WDFY3: variants seen among roughly 807,000 people sequenced by gnomAD.
WDFY3 encodes the protein WD repeat and FYVE domain-containing protein 3.
WDFY3 carries 66 observed loss-of-function variants against 409.6 expected under a neutral mutation model. That is an observed-to-expected ratio of 0.16 (90% CI 0.13 to 0.20). The LOEUF (loss-of-function observed/expected upper bound fraction) is 0.20, where lower values mean the gene tolerates loss of function less well. WDFY3 is among the 10% of genes least tolerant of loss of function. WDFY3 has a pLI of 1.00. For missense variants in WDFY3, 3,031 were observed against 4,298.1 expected (o/e 0.71, Z 8.24); for synonymous variants, 1,521 against 1,537.1 (o/e 0.99, Z 0.25).
chr4:84,852,075 C>T (rs763032616), intron 4 of WDFY3, among the ~76,000 whole-genome samples: 3 of 152,170 alleles, frequency 2.0e-5, no homozygotes, highest in Non-Finnish European at 4.4e-5. Flanking sequence ...GGAAGGACTT[C>T]TCTCTGGCAT....
chr4:84,859,715 A>AC (rs888641783), intron 4 of WDFY3, among the ~76,000 whole-genome samples: 48 of 152,204 alleles, frequency 3.2e-4, no homozygotes, highest in African/African-American at 1.1e-3. Context: ...AGCTGGGATT[A>AC]CAGGCACGTG....
chr4:84,761,817 C>G (rs1357707468), intron 32 of WDFY3, among the ~76,000 whole-genome samples: 2 of 152,188 alleles, frequency 1.3e-5, no homozygotes, highest in African/African-American at 4.8e-5. Flanking sequence ...TGAACAGACA[C>G]TTCTCAAAAG....
In WDFY3 at chr4:84,794,611, G is replaced by A; in HGVS notation, c.3395C>T (p.Ser1132Phe). 1 of 1,614,100 alleles carries A rather than the reference G, an allele frequency of 6.2e-7. No individual in the cohort carries two copies. Among genetic ancestry groups the A allele is most frequent in the Non-Finnish European group, 8.5e-7 (1 of 1,180,012 alleles). Reference sequence around the variant, plus strand: ...TGCAAGGCACACGTAATGTTGCTCAGAAGAATTTGCTCGGCGCACAACAGT... The same window carrying A: ...TGCAAGGCACACGTAATGTTGCTCAAAAGAATTTGCTCGGCGCACAACAGT... ...LLTVVRRANS[S>F]EQHYVCLAIV... is the part of the protein sequence containing the mutation. Residue 1132 changes from serine to phenylalanine, a missense_variant, in exon 21 of 68, where the codon TCT (serine) becomes TTT (phenylalanine). Around this residue, in one of 16 missense-constraint regions of WDFY3, gnomAD observed 1,322 missense variants for 1,697.9 expected, o/e 0.78. Coordinates refer to ENST00000295888, the MANE Select transcript of WDFY3 (RefSeq NM_014991.6).
chr4:84,710,919 G>C (rs1020854382), intron 51 of WDFY3, among the ~76,000 whole-genome samples: 2 of 151,822 alleles, frequency 1.3e-5, no homozygotes, highest in African/African-American at 4.8e-5. Context: ...ATGTTTCTGG[G>C]GTTAAAAAAA....
chr4:84,929,479 C>G (rs531949421), intron 2 of WDFY3, among the ~76,000 whole-genome samples: 37 of 151,222 alleles, frequency 2.4e-4, no homozygotes, highest in Admixed American at 1.3e-4. Flanking sequence ...GCCCCCCCCC[C>G]CAAATTCATA....
At chr4:84,753,301 G>C (rs1004904868) in intron 35 of WDFY3, among the ~76,000 whole-genome samples, 1 of 152,146 alleles carries the variant, frequency 6.6e-6, no homozygotes, top group African/African-American at 2.4e-5. Context: ...GTTAAATCCA[G>C]CAAATACCTA....
intron 56 of WDFY3, among the ~76,000 whole-genome samples, chr4:84,698,954 C>T (rs1041804212): frequency 6.6e-6 from 1 of 152,156 alleles, no homozygotes; most frequent in African/African-American, 2.4e-5. Flanking sequence ...TCCCAAAGTC[C>T]TGGAACTACA....
chr4:84,678,345 C>T, intron 65 of WDFY3, 66 bp from the exon 66 acceptor site: 1 of 1,209,096 alleles, frequency 8.3e-7, no homozygotes, highest in East Asian at 2.3e-5. Context: ...GGGAGAACTA[C>T]TCTAAGATGG....
chr4:84,816,397 G>A (rs919789021), intron 13 of WDFY3, among the ~76,000 whole-genome samples: 1 of 152,036 alleles, frequency 6.6e-6, no homozygotes, highest in Admixed American at 6.6e-5. Context: ...CTACTAGACA[G>A]ACATATAGAA....
intron 2 of WDFY3, among the ~76,000 whole-genome samples, chr4:84,902,899 A>G (rs1021876701): frequency 6.6e-6 from 1 of 152,240 alleles, no homozygotes; most frequent in African/African-American, 2.4e-5. Context: ...ACTTAGTGCC[A>G]GAATATTAGA....
intron 13 of WDFY3, among the ~76,000 whole-genome samples, chr4:84,812,394 A>G (rs1487359658): frequency 6.6e-6 from 1 of 152,086 alleles, no homozygotes; most frequent in Admixed American, 6.6e-5. Flanking sequence ...CAGGCTGAAG[A>G]TGGCTGAACT....
chr4:84,806,099 C>T (rs1405682742), intron 15 of WDFY3, among the ~76,000 whole-genome samples: 3 of 152,120 alleles, frequency 2.0e-5, no homozygotes, highest in Non-Finnish European at 2.9e-5. Context: ...ATTTTGGTTT[C>T]TCCTTTTGCC....
chr4:84,684,359 G>A (rs541929045), intron 62 of WDFY3, among the ~76,000 whole-genome samples: 3 of 152,186 alleles, frequency 2.0e-5, no homozygotes, highest in Non-Finnish European at 4.4e-5. Flanking sequence ...AAGGGACCAC[G>A]GATGGAGACA....
At chr4:84,925,010 A>C (rs935554062) in intron 2 of WDFY3, among the ~76,000 whole-genome samples, 1 of 152,188 alleles carries the variant, frequency 6.6e-6, no homozygotes, top group Non-Finnish European at 1.5e-5. Context: ...TTGCTTTTCC[A>C]GTAGCAGTTA....
intron 50 of WDFY3, among the ~76,000 whole-genome samples, chr4:84,714,098 G>C (rs1174922001): frequency 6.6e-6 from 1 of 150,836 alleles, no homozygotes; most frequent in Non-Finnish European, 1.5e-5. Flanking sequence ...CCTGGTGACA[G>C]AGCAAGACTT....
chr4:84,783,979 T>C (rs959971623), intron 24 of WDFY3, among the ~76,000 whole-genome samples: 2 of 152,012 alleles, frequency 1.3e-5, no homozygotes, highest in Non-Finnish European at 2.9e-5. Context: ...CCTCTGATAA[T>C]CAGCCAAAAT....
In WDFY3 at chr4:84,821,438, C is replaced by T. The variant is rs1304356881; in HGVS notation, c.1237G>A (p.Ala413Thr). 8 of 1,613,676 alleles carry T rather than the reference C, an allele frequency of 5.0e-6. No individual in the cohort carries two copies. The highest frequency in any genetic ancestry group is 6.8e-6 in the Non-Finnish European group (8 of 1,179,856). Reference protein sequence around the residue: ...ILDAITNIYMADNANYFILES... With the variant: ...ILDAITNIYMTDNANYFILES... ...AGGATGAAGTAATTGGCATTGTCAG[C>T]CATGTAAATATTTGTGATAGCATCA... Residue 413 changes from alanine to threonine, a missense_variant, in exon 11 of 68, where the codon GCT becomes ACT. By Grantham distance (58) the Ala-to-Thr change is moderately conservative. Coordinates refer to ENST00000295888, the MANE Select transcript of WDFY3 (RefSeq NM_014991.6).
chr4:84,734,401 C>T (rs920533163), intron 43 of WDFY3, among the ~76,000 whole-genome samples: 1 of 152,064 alleles, frequency 6.6e-6, no homozygotes, highest in Non-Finnish European at 1.5e-5. Flanking sequence ...TTATCTATCA[C>T]AGTAGTACTG....
chr4:84,900,427 T>C (rs1230591792), intron 2 of WDFY3, among the ~76,000 whole-genome samples: 1 of 152,094 alleles, frequency 6.6e-6, no homozygotes, highest in East Asian at 1.9e-4. Context: ...GGTCTCATTA[T>C]GATGCCCAGG....
Sources: allele counts gnomAD v4.1 joint callset (sites outside exome capture counted in the v4.1 genomes callset), GRCh38; gene constraint gnomAD v4.1.1; regional missense constraint gnomAD v4.1.1; transcripts MANE v1.5; gene names NCBI Gene and HGNC (gene_info 2026-07-23, HGNC 2026-07-21).